Variants in SYNPR observed in about 807,000 individuals in gnomAD.
SYNPR encodes the protein synaptoporin.
Under a neutral mutation model 32.9 loss-of-function variants are expected in SYNPR, and 23 were observed. The observed-to-expected ratio is 0.70, with a 90% CI of 0.50 to 0.99. SYNPR has a LOEUF of 0.99. Among genes scored for constraint, SYNPR ranks in the 50% least tolerant of loss-of-function variants. The probability of loss-of-function intolerance (pLI) is 0.00; values close to 1 mark genes in which losing one functional copy is unlikely to be tolerated. For missense variants in SYNPR, 318 were observed against 349.3 expected, an observed-to-expected ratio of 0.91 and a Z score of 0.71; for synonymous variants, 146 against 135.9, an observed-to-expected ratio of 1.07 and a Z score of -0.52.
At chr3:63,247,154 C>T (rs188030630) in intron 1 of SYNPR, among the ~76,000 whole-genome samples, 8 of 152,060 alleles carry the variant, frequency 5.3e-5, no homozygotes, top group Non-Finnish European at 7.4e-5. Context: ...AAAAATGCCT[C>T]TCTAAGAAAC....
chr3:63,255,903 C>T (rs995951895), intron 2 of SYNPR, among the ~76,000 whole-genome samples: 7 of 152,332 alleles, frequency 4.6e-5, no homozygotes, highest in Non-Finnish European at 8.8e-5. Context: ...TGTTAGCAAA[C>T]GGCACACCAG....
At chr3:63,302,216 A>T (rs139597189) in intron 2 of SYNPR, among the ~76,000 whole-genome samples, 54 of 152,090 alleles carry the variant, frequency 3.6e-4, no homozygotes, top group African/African-American at 1.3e-3. Context: ...GCTTTAGGAG[A>T]GTTGCAGTTG....
At chr3:63,548,266 A>T (rs1472510638) in intron 3 of SYNPR, among the ~76,000 whole-genome samples, 1 of 152,180 alleles carries the variant, frequency 6.6e-6, no homozygotes, top group African/African-American at 2.4e-5. Flanking sequence ...AAGAGCTGGT[A>T]TCAGAAAGCC....
At chr3:63,376,036 C>A (rs1560209620) in intron 2 of SYNPR, among the ~76,000 whole-genome samples, 1 of 152,268 alleles carries the variant, frequency 6.6e-6, no homozygotes, top group East Asian at 1.9e-4. Context: ...GCCTTGGTTT[C>A]TCTTCTGTTT....
rs1425693854 is a variant in SYNPR at position 63,278,501 on chromosome 3, CTGG to C, written c.-29_-27del. 6.5e-7 allele frequency: 1 copy of C among 1,544,550 alleles called. No homozygotes were observed. The highest frequency in any genetic ancestry group is 1.4e-5 in the African/African-American group (1 of 72,780). The stretch of plus-strand genomic sequence containing the variant: ...AAGCGAACTTCATTTTTAAAAAGAA[CTGG>C]TGGATGAGAAGAGCGAGCGAGGGCG... On this transcript the variant is annotated 5_prime_UTR_variant, in exon 1 of 6. Transcript: ENST00000478300.
intron 4 of SYNPR, among the ~76,000 whole-genome samples, chr3:63,572,360 G>A (rs1041396302): frequency 2.6e-5 from 4 of 151,756 alleles, no homozygotes; most frequent in Admixed American, 2.0e-4. Context: ...CTTTTGCTAT[G>A]AGATTATTCA....
intron 3 of SYNPR, among the ~76,000 whole-genome samples, chr3:63,490,974 G>C (rs778428436): frequency 5.9e-5 from 9 of 152,026 alleles, no homozygotes; most frequent in Non-Finnish European, 1.0e-4. Context: ...ATGTTGGCAA[G>C]GCTGGTCTTG....
rs193203299 is a variant in SYNPR at position 63,445,642 on chromosome 3, G to C, written c.85-35190G>C. The C allele has an allele frequency of 1.8e-5, 11 of 627,660 alleles. No individual in the cohort carries two copies. The East Asian group carries it at 3.1e-4, about 17-fold the overall frequency. The allele number at this position is 627,660 out of a possible 1,614,324, so 38.9% of individuals were successfully genotyped here. A position where few individuals can be genotyped will look rare whatever the true frequency, so the allele number is the denominator to read the frequency against. Reference sequence around the variant, plus strand: ...TACATGGCTTATCCCCTTTAATCTTGACAAGCACTCTATGAGGGCCATAAC... The same window carrying C: ...TACATGGCTTATCCCCTTTAATCTTCACAAGCACTCTATGAGGGCCATAAC... On this transcript the variant is annotated intron_variant, in intron 2 of 5. Coordinates refer to ENST00000478300, the MANE Select transcript of SYNPR (RefSeq NM_001130003.2).
chr3:63,575,416 C>G (rs772953738), intron 4 of SYNPR, among the ~76,000 whole-genome samples: 18 of 152,104 alleles, frequency 1.2e-4, no homozygotes, highest in Non-Finnish European at 2.4e-4. Context: ...ACACTCTCAG[C>G]TCCTATTCCC....
chr3:63,416,869 C>A (rs1453148237), intron 2 of SYNPR, among the ~76,000 whole-genome samples: 1 of 152,106 alleles, frequency 6.6e-6, no homozygotes, highest in African/African-American at 2.4e-5. Context: ...AATTACCTCC[C>A]ACCAGGTGCC....
intron 3 of SYNPR, among the ~76,000 whole-genome samples, chr3:63,522,072 A>C (rs1202025718): frequency 1.3e-5 from 2 of 152,338 alleles, no homozygotes; most frequent in Admixed American, 1.3e-4. Context: ...CAAGGTTGTC[A>C]AATTTAATTT....
intron 3 of SYNPR, among the ~76,000 whole-genome samples, chr3:63,517,642 T>C (rs972704603): frequency 1.3e-5 from 2 of 152,164 alleles, no homozygotes; most frequent in Non-Finnish European, 2.9e-5. Flanking sequence ...AGAAAAGCTT[T>C]GCGTTCTCCA....
intron 2 of SYNPR, among the ~76,000 whole-genome samples, chr3:63,398,064 A>G (rs2088240611): frequency 6.6e-6 from 1 of 152,146 alleles, no homozygotes; most frequent in Non-Finnish European, 1.5e-5. Flanking sequence ...AAGAGGGTGA[A>G]CCTTTTAGAA....
chr3:63,423,328 C>G (rs1193703364), intron 2 of SYNPR, among the ~76,000 whole-genome samples: 1 of 152,120 alleles, frequency 6.6e-6, no homozygotes, highest in Non-Finnish European at 1.5e-5. Flanking sequence ...GACTCCCTGC[C>G]CCACACACAT....
rs570617291 is a variant in SYNPR, at chr3:63,605,268, A to G, written c.409-3857A>G. Among the ~76,000 whole-genome samples, 9 of 152,332 alleles carry G rather than the reference A, an allele frequency of 5.9e-5. No homozygotes were observed. In the South Asian group the frequency reaches 1.9e-3, roughly 32 times the overall value. ...ATTAATGAGGACCAATTAAGGTGAT[A>G]AAGCAGGTCATATGGCTATAAAGGA... is the stretch of plus-strand genomic sequence containing the variant. On this transcript the variant is annotated intron_variant, in intron 4 of 5. Transcript: ENST00000478300.
At chr3:63,598,958 T>G (rs1575731084) in intron 4 of SYNPR, among the ~76,000 whole-genome samples, 1 of 152,210 alleles carries the variant, frequency 6.6e-6, no homozygotes. Flanking sequence ...ACTTCTCAAG[T>G]GTGAGCCATT....
At chr3:63,218,709 A>G in the SYNPR span, among the ~76,000 whole-genome samples, 8 of 152,106 alleles carry the variant, frequency 5.3e-5, no homozygotes, top group Non-Finnish European at 1.0e-4. Flanking sequence ...CTTCTGCCTG[A>G]AAGGTGTTTT....
intron 4 of SYNPR, among the ~76,000 whole-genome samples, chr3:63,559,345 T>C (rs997798834): frequency 2.6e-5 from 4 of 152,226 alleles, no homozygotes; most frequent in African/African-American, 9.6e-5. Context: ...CCCAAAATGT[T>C]GGGATTACAG....
chr3:63,513,380 T>G (rs1559522239), intron 3 of SYNPR, among the ~76,000 whole-genome samples: 1 of 152,050 alleles, frequency 6.6e-6, no homozygotes, highest in Non-Finnish European at 1.5e-5. Context: ...AACTTATATT[T>G]TGTTCTGTGA....
Sources: gnomAD v4.1 joint callset for allele counts (sites outside exome capture counted in the v4.1 genomes callset) on GRCh38, gnomAD v4.1.1 for gene constraint, MANE v1.5 for transcripts, NCBI Gene and HGNC (gene_info 2026-07-23, HGNC 2026-07-21) for gene names.